The following ZDHHC14 variants were observed in gnomAD, a reference collection of about 807,000 sequenced individuals.
ZDHHC14 encodes the protein zDHHC palmitoyltransferase 14.
ZDHHC14 carries 16 observed loss-of-function variants against 47.7 expected under a neutral mutation model. That is an observed-to-expected ratio of 0.34 (90% CI 0.23 to 0.51). The LOEUF is 0.51. ZDHHC14 is among the 20% of genes least tolerant of loss of function. ZDHHC14 has a pLI of 0.97. For missense variants in ZDHHC14, 515 were observed against 662.5 expected, an observed-to-expected ratio of 0.78 and a Z score of 2.44; for synonymous variants, 293 against 278.9, an observed-to-expected ratio of 1.05 and a Z score of -0.50.
intron 2 of ZDHHC14, among the ~76,000 whole-genome samples, chr6:157,572,301 A>G (rs1207155354): frequency 1.3e-5 from 2 of 152,166 alleles, no homozygotes; most frequent in African/African-American, 2.4e-5. Flanking sequence ...AGATGGTTTC[A>G]GATTTCCCCC....
chr6:157,504,438 G>A (rs1016676902), intron 1 of ZDHHC14, among the ~76,000 whole-genome samples: 10 of 143,090 alleles, frequency 7.0e-5, no homozygotes, highest in Non-Finnish European at 1.3e-4. Context: ...GTGAGCCACC[G>A]CACCCAGCCT....
At chr6:157,611,983 C>T (rs564792699) in intron 3 of ZDHHC14, among the ~76,000 whole-genome samples, 69 of 152,266 alleles carry the variant, frequency 4.5e-4, no homozygotes, top group East Asian at 3.7e-3. Context: ...TGCAGCTTCC[C>T]GCTGGACATG....
At chr6:157,614,120 C>T (rs558827050) in intron 3 of ZDHHC14, among the ~76,000 whole-genome samples, 7 of 152,114 alleles carry the variant, frequency 4.6e-5, no homozygotes, top group Non-Finnish European at 7.3e-5. Flanking sequence ...GTGAAGACAC[C>T]GCAGCTCTTG....
At chr6:157,653,859 A>G (rs924772073) in intron 8 of ZDHHC14, among the ~76,000 whole-genome samples, 6 of 152,324 alleles carry the variant, frequency 3.9e-5, no homozygotes, top group Non-Finnish European at 4.4e-5. Context: ...GCGCAGGGGA[A>G]GTCCACACAC....
At chr6:157,577,852 G>C (rs1036622319) in intron 2 of ZDHHC14, among the ~76,000 whole-genome samples, 3 of 152,148 alleles carry the variant, frequency 2.0e-5, no homozygotes, top group Non-Finnish European at 4.4e-5. Flanking sequence ...CAGCCAGCCT[G>C]CATCTGTTAT....
chr6:157,612,789 T>C (rs1383025718), intron 3 of ZDHHC14, among the ~76,000 whole-genome samples: 1 of 151,706 alleles, frequency 6.6e-6, no homozygotes, highest in Non-Finnish European at 1.5e-5. Context: ...GAGAATTTGA[T>C]GCTCCTCTTG....
intron 3 of ZDHHC14, among the ~76,000 whole-genome samples, chr6:157,613,278 A>G (rs942934196): frequency 6.6e-6 from 1 of 152,266 alleles, no homozygotes; most frequent in African/African-American, 2.4e-5. Flanking sequence ...GATCCAGTGC[A>G]CAGAGATGCA....
At chr6:157,518,440 G>A (rs1268069017) in intron 1 of ZDHHC14, among the ~76,000 whole-genome samples, 3 of 152,096 alleles carry the variant, frequency 2.0e-5, no homozygotes, top group East Asian at 1.9e-4. Flanking sequence ...CTGAGGTGAT[G>A]TGTGGTTGCC....
At chr6:157,665,292 A>G (rs1357502586) in intron 8 of ZDHHC14, among the ~76,000 whole-genome samples, 1 of 152,208 alleles carries the variant, frequency 6.6e-6, no homozygotes, top group South Asian at 2.1e-4. Context: ...CCATGTTGCC[A>G]TATGTTCCAG....
At chr6:157,542,440 A>G (rs1370997180) in intron 1 of ZDHHC14, 145 bp from the exon 2 acceptor site, 4 of 1,198,374 alleles carry the variant, frequency 3.3e-6, no homozygotes, top group Admixed American at 5.3e-5. Context: ...AATCTTTCAC[A>G]TAGATGAATT....
chr6:157,593,279 G>A (rs1216314708), intron 3 of ZDHHC14, 133 bp downstream of exon 3: 7 of 1,182,626 alleles, frequency 5.9e-6, no homozygotes, highest in Non-Finnish European at 8.2e-6. Context: ...CACTGATTGA[G>A]TTCACCGGGC....
At chr6:157,666,903 G>C (rs568914769) in intron 8 of ZDHHC14, among the ~76,000 whole-genome samples, 1 of 152,108 alleles carries the variant, frequency 6.6e-6, no homozygotes, top group African/African-American at 2.4e-5. Flanking sequence ...GTTACATGCC[G>C]ACACTTCATT....
Position 157,381,800 on chromosome 6 carries a change from C to T in ZDHHC14, c.-222C>T. The T allele has an allele frequency of 6.0e-6, 1 of 166,488 alleles. No homozygotes were observed. Among genetic ancestry groups the T allele is most frequent in the Non-Finnish European group, 1.2e-5 (1 of 84,178 alleles). The allele number at this position is 166,488 out of a possible 1,614,324, so 10.3% of individuals were successfully genotyped here. A position where few individuals can be genotyped will look rare whatever the true frequency, so the allele number is the denominator to read the frequency against. On this transcript the variant is annotated 5_prime_UTR_variant, in exon 1 of 9. Coordinates refer to ENST00000359775, the MANE Select transcript of ZDHHC14 (RefSeq NM_024630.3). ...GCTGCCGCGGGCTGCGGACCAGCGC[C>T]GTCCCCTCACGGAGCGGGGATTCTG...
chr6:157,531,091 G>A (rs1460535720), intron 1 of ZDHHC14, among the ~76,000 whole-genome samples: 34 of 152,088 alleles, frequency 2.2e-4, no homozygotes, highest in Admixed American at 2.2e-3. Context: ...GGTCCCTCTC[G>A]GTGTTCATTG....
At chr6:157,448,325 G>T (rs2114799890) in intron 1 of ZDHHC14, among the ~76,000 whole-genome samples, 1 of 152,206 alleles carries the variant, frequency 6.6e-6, no homozygotes, top group South Asian at 2.1e-4. Context: ...TATTTTTCCT[G>T]TCTAGAGTGT....
chr6:157,431,752 C>T (rs1307805692), intron 1 of ZDHHC14, among the ~76,000 whole-genome samples: 4 of 144,914 alleles, frequency 2.8e-5, no homozygotes, highest in Non-Finnish European at 4.5e-5. Context: ...TTTTTTGAGA[C>T]GGAGTCTCAC....
intron 1 of ZDHHC14, among the ~76,000 whole-genome samples, chr6:157,408,542 C>T (rs2114755050): frequency 6.6e-6 from 1 of 152,324 alleles, no homozygotes; most frequent in South Asian, 2.1e-4. Flanking sequence ...TAAGTGAGAA[C>T]ATGTGGTGTT....
chr6:157,542,563 G>A (rs750334388), intron 1 of ZDHHC14, 22 bp from the exon 2 acceptor site: 3 of 1,610,012 alleles, frequency 1.9e-6, no homozygotes, highest in South Asian at 1.1e-5. Context: ...CCTTCTCTCC[G>A]GTCTGTCCAA....
At chr6:157,609,289 G>A (rs1784665938) in intron 3 of ZDHHC14, among the ~76,000 whole-genome samples, 1 of 152,172 alleles carries the variant, frequency 6.6e-6, no homozygotes, top group African/African-American at 2.4e-5. Context: ...GCGAGAGGTG[G>A]GAAATGGATG....
Sources: allele counts gnomAD v4.1 joint callset (sites outside exome capture counted in the v4.1 genomes callset), GRCh38; gene constraint gnomAD v4.1.1; transcripts MANE v1.5; gene names NCBI Gene and HGNC (gene_info 2026-07-23, HGNC 2026-07-21).